RERE: variants seen among roughly 807,000 people sequenced by gnomAD.
RERE encodes the protein arginine-glutamic acid dipeptide repeats protein.
Under a neutral mutation model 146.1 loss-of-function variants are expected in RERE, and 40 were observed. That is an observed-to-expected ratio of 0.27 (90% confidence interval 0.21 to 0.36). The LOEUF (loss-of-function observed/expected upper bound fraction) is 0.36, where lower values mean the gene tolerates loss of function less well. Ranked by LOEUF, RERE falls within the 10% of genes least tolerant of loss-of-function variation. The probability of loss-of-function intolerance (pLI) is 1.00; values close to 1 mark genes in which losing one functional copy is unlikely to be tolerated. For missense variants in RERE, 1,933 were observed against 2,138.7 expected, an observed-to-expected ratio of 0.90 and a Z score of 1.90; for synonymous variants, 1,003 against 866.0, an observed-to-expected ratio of 1.16 and a Z score of -2.78.
At chr1:8,526,494 CCAAA>C (rs534106899) in intron 7 of RERE, among the ~76,000 whole-genome samples, 14 of 152,094 alleles carry the variant, frequency 9.2e-5, no homozygotes, top group South Asian at 2.1e-4. Flanking sequence ...TTGAAAAAGA[CCAAA>C]CAATCCGGGT....
At chr1:8,472,216 A>C (rs1367878270) in intron 10 of RERE, among the ~76,000 whole-genome samples, 1 of 152,268 alleles carries the variant, frequency 6.6e-6, no homozygotes, top group Admixed American at 6.5e-5. Flanking sequence ...TTATCAAAAC[A>C]CTGGCTATCT....
intron 7 of RERE, among the ~76,000 whole-genome samples, chr1:8,520,615 T>G (rs1645480448): frequency 6.6e-6 from 1 of 151,954 alleles, no homozygotes; most frequent in Non-Finnish European, 1.5e-5. Context: ...TAACCTACCG[T>G]GTATCTGGCA....
At chr1:8,630,334 A>C (rs1363983515) in intron 2 of RERE, among the ~76,000 whole-genome samples, 1 of 152,132 alleles carries the variant, frequency 6.6e-6, no homozygotes, top group Non-Finnish European at 1.5e-5. Flanking sequence ...TCTATAAACA[A>C]TGCACTGTTC....
intron 1 of RERE, among the ~76,000 whole-genome samples, chr1:8,777,239 T>A (rs998969794): frequency 8.5e-5 from 13 of 152,174 alleles, no homozygotes; most frequent in African/African-American, 2.9e-4. Context: ...CTGGAAAGCA[T>A]TGTCTTATCT....
At chr1:8,774,345 C>CTTTTTTTTTTT in intron 1 of RERE, among the ~76,000 whole-genome samples, 1 of 103,514 alleles carries the variant, frequency 9.7e-6, no homozygotes, top group South Asian at 2.8e-4. Flanking sequence ...TTTTGGCAAA[C>CTTTTTTTTTTT]TATTTTTTTT....
At chr1:8,669,024 C>CTGTGTGTGTGTGTGTGTGTGTGTGTG (rs59647434) in intron 1 of RERE, among the ~76,000 whole-genome samples, 6 of 43,844 alleles carry the variant, frequency 1.4e-4, no homozygotes, top group Non-Finnish European at 2.2e-4. Context: ...GCACTCAACT[C>CTGTGTGTGTGTGTGTGTGTGTGTGTG]TGTGTGTGTG....
At chr1:8,416,601 AAG>A (rs1643780660) in intron 12 of RERE, among the ~76,000 whole-genome samples, 1 of 145,552 alleles carries the variant, frequency 6.9e-6, no homozygotes, top group African/African-American at 2.7e-5. Context: ...AAAAAAAAAA[AAG>A]AAAAGAAAAG....
Position 8,359,817 on chromosome 1 carries a change from C to CCTT in RERE, c.3562_3564dup (p.Lys1188dup), listed in dbSNP as rs758747347. The CCTT allele has an allele frequency of 1.3e-5, 21 of 1,607,034 alleles. No individual in the cohort carries two copies. The East Asian group carries it at 4.2e-4, about 32-fold the overall frequency. ...TCTCGCTCCCGCTCCCGCTCCTTCT[C>CCTT]CTTCTCCTTCTCCCGCTCTCGCTCC... On this transcript the variant is annotated inframe_insertion, in exon 19 of 23. Transcript: ENST00000400908.
At chr1:8,811,508 C>T (rs1253874767) in intron 1 of RERE, among the ~76,000 whole-genome samples, 1 of 152,072 alleles carries the variant, frequency 6.6e-6, no homozygotes, top group Non-Finnish European at 1.5e-5. Flanking sequence ...CTCGGGAGGC[C>T]AAGGAGGGAG....
chr1:8,736,872 A>AAAACT (rs1640212024), intron 1 of RERE, among the ~76,000 whole-genome samples: 1 of 145,814 alleles, frequency 6.9e-6, no homozygotes, highest in African/African-American at 2.5e-5. Flanking sequence ...AAAAAAAAAA[A>AAAACT]AAACTAAAAC....
intron 1 of RERE, among the ~76,000 whole-genome samples, chr1:8,684,842 C>CCATT (rs36157354): frequency 4.0e-5 from 6 of 151,334 alleles, no homozygotes; most frequent in South Asian, 2.1e-4. Flanking sequence ...ACTCATTCAT[C>CCATT]CATTCATTCA....
intron 4 of RERE, among the ~76,000 whole-genome samples, chr1:8,589,308 T>C (rs1234951749): frequency 1.3e-5 from 2 of 151,366 alleles, no homozygotes; most frequent in African/African-American, 4.9e-5. Flanking sequence ...GGTATGGTGG[T>C]GCATGCCTGT....
intron 11 of RERE, among the ~76,000 whole-genome samples, chr1:8,451,832 G>A (rs949397464): frequency 1.3e-5 from 2 of 152,132 alleles, no homozygotes; most frequent in Non-Finnish European, 2.9e-5. Context: ...AAGTTTACAA[G>A]ACGTCCTCAG....
rs1261838786 is a variant in RERE, at chr1:8,612,420, T to C, written c.522+2141A>G. Among the ~76,000 whole-genome samples, 2 of 152,234 alleles carry C rather than the reference T, an allele frequency of 1.3e-5. 1 individual carries two copies. Among genetic ancestry groups the C allele is most frequent in the East Asian group, 3.8e-4 (2 of 5,198 alleles). On this transcript the variant is annotated intron_variant, in intron 4 of 22. Coordinates refer to ENST00000400908, the MANE Select transcript of RERE (RefSeq NM_001042681.2). ...AACAATCAATACAGTTAGCTTTATGTAGCATCATCTTGACTGAAAGAAGAT... is the reference window on the plus strand; with the variant it reads ...AACAATCAATACAGTTAGCTTTATGCAGCATCATCTTGACTGAAAGAAGAT...
At chr1:8,378,709 C>T (rs566618625) in intron 12 of RERE, among the ~76,000 whole-genome samples, 4 of 152,332 alleles carry the variant, frequency 2.6e-5, no homozygotes, top group African/African-American at 9.6e-5. Context: ...AAAATAAGTT[C>T]TGTTGCTGAA....
chr1:8,541,152 C>A, intron 7 of RERE, 62 bp downstream of exon 7: 1 of 911,910 alleles, frequency 1.1e-6, no homozygotes, highest in Non-Finnish European at 1.8e-6. Context: ...CACACATACA[C>A]ACACACACAA....
Position 8,364,620 on chromosome 1 carries a change from A to G in RERE, c.1540+126T>C, listed in dbSNP as rs1019849647. On this transcript the variant is annotated intron_variant, in intron 14 of 22. Transcript: ENST00000400908. This position sits in a 1 kb window ranked among gnomAD's most constrained non-coding sequence, Gnocchi z 5.1. The stretch of plus-strand genomic sequence containing the variant: ...ACATTTCTAACTTTCTCGAATCCCG[A>G]AGCACAATGCAAATGTCAAATCAAG... 1 of 721,086 alleles carries G rather than the reference A, an allele frequency of 1.4e-6. No individual in the cohort carries two copies. Among genetic ancestry groups the G allele is most frequent in the Non-Finnish European group, 2.5e-6 (1 of 407,848 alleles). The allele number at this position is 721,086 out of a possible 1,614,324, so 44.7% of individuals were successfully genotyped here. A position where few individuals can be genotyped will look rare whatever the true frequency, so the allele number is the denominator to read the frequency against.
At chr1:8,575,694 A>C (rs1284706307) in intron 4 of RERE, among the ~76,000 whole-genome samples, 4 of 151,542 alleles carry the variant, frequency 2.6e-5, no homozygotes, top group Admixed American at 1.3e-4. Flanking sequence ...TGCCCACCTC[A>C]AAGAAATAAC....
chr1:8,523,686 T>C (rs1186387926), intron 7 of RERE, among the ~76,000 whole-genome samples: 4 of 152,220 alleles, frequency 2.6e-5, no homozygotes, highest in Non-Finnish European at 5.9e-5. Context: ...TTTATTGGAT[T>C]TGAAACATAG....
Sources: gnomAD v4.1 joint callset for allele counts (sites outside exome capture counted in the v4.1 genomes callset) on GRCh38, gnomAD v4.1.1 for gene constraint, Gnocchi (gnomAD v3.1) non-coding constraint, MANE v1.5 for transcripts, NCBI Gene and HGNC (gene_info 2026-07-23, HGNC 2026-07-21) for gene names.